AGPS: variants seen among roughly 807,000 people sequenced by gnomAD.
AGPS encodes alkylglycerone phosphate synthase.
A neutral mutation model predicts 90.7 loss-of-function variants in AGPS; 26 were observed. The ratio of observed to expected loss-of-function variants is 0.29; its 90% confidence interval spans 0.21 to 0.40. AGPS has a LOEUF of 0.40. Among genes scored for constraint, AGPS ranks in the 10% least tolerant of loss-of-function variants. AGPS has a pLI of 1.00. For synonymous variants in AGPS, 294 were observed against 285.3 expected (o/e 1.03, Z -0.31); for missense variants, 540 against 816.1 (o/e 0.66, Z 4.12).
intron 1 of AGPS, among the ~76,000 whole-genome samples, chr2:177,412,040 C>A (rs73979739): frequency 0.042 from 6,445 of 152,094 alleles, 459 homozygotes; most frequent in African/African-American, 0.15. Context: ...GGGAGGGACA[C>A]GAGGGACAAG....
chr2:177,489,748 G>A (rs1001644644), intron 11 of AGPS, among the ~76,000 whole-genome samples: 3 of 152,164 alleles, frequency 2.0e-5, no homozygotes, highest in Non-Finnish European at 4.4e-5. Context: ...TACATTTATC[G>A]TAGCAGGAAA....
At chr2:177,494,909 GA>G (rs1446837009) in intron 12 of AGPS, among the ~76,000 whole-genome samples, 11 of 152,062 alleles carry the variant, frequency 7.2e-5, no homozygotes, top group African/African-American at 2.7e-4. Context: ...AGCAAAAGAG[GA>G]AATAATGCTT....
rs141551853 is a variant in AGPS at position 177,535,203 on chromosome 2, C to T, written c.1856-2871C>T. ...GAATAGGCTTTATGTGGTATGTGTA[C>T]ACATGCCTTTCAGTAGATAACTATC... On this transcript the variant is annotated intron_variant, in intron 19 of 19. Coordinates refer to ENST00000264167, the MANE Select transcript of AGPS (RefSeq NM_003659.4). 3.0e-3 allele frequency among the ~76,000 whole-genome samples: 455 copies of T among 152,260 alleles called. 4 individuals carry two copies. Among genetic ancestry groups the T allele is most frequent in the African/African-American group, 0.01 (430 of 41,544 alleles).
At chr2:177,446,952 G>A (rs1314928896) in intron 8 of AGPS, among the ~76,000 whole-genome samples, 1 of 152,000 alleles carries the variant, frequency 6.6e-6, no homozygotes, top group Non-Finnish European at 1.5e-5. Flanking sequence ...GAAAACTTTA[G>A]GTTTCTTTCA....
At chr2:177,533,994 G>A (rs536742036) in intron 19 of AGPS, among the ~76,000 whole-genome samples, 2 of 152,262 alleles carry the variant, frequency 1.3e-5, no homozygotes, top group South Asian at 4.1e-4. Context: ...TCTTCTAAAT[G>A]TATGGCCCAT....
intron 1 of AGPS, among the ~76,000 whole-genome samples, chr2:177,409,882 C>T (rs1389494918): frequency 2.0e-5 from 3 of 152,146 alleles, no homozygotes; most frequent in African/African-American, 7.2e-5. Context: ...GCCTGCAGTG[C>T]AGGGGATTAT....
chr2:177,534,259 T>C (rs530192418), intron 19 of AGPS, among the ~76,000 whole-genome samples: 90 of 152,320 alleles, frequency 5.9e-4, no homozygotes, highest in African/African-American at 1.8e-3. Context: ...TTATCTCTTA[T>C]ACCTTGCGTA....
intron 9 of AGPS, among the ~76,000 whole-genome samples, chr2:177,462,398 A>AG (rs1229502567): frequency 9.3e-5 from 14 of 150,380 alleles, no homozygotes; most frequent in Admixed American, 9.3e-4. Flanking sequence ...GTCTCAAAAA[A>AG]AAAAAAAGAA....
chr2:177,518,402 C>G (rs1040724656), intron 17 of AGPS, among the ~76,000 whole-genome samples: 2 of 152,070 alleles, frequency 1.3e-5, no homozygotes, highest in Non-Finnish European at 2.9e-5. Flanking sequence ...TGCCACTACA[C>G]TCCAGCCTGG....
chr2:177,400,002 T>A (rs1685289154), intron 1 of AGPS, among the ~76,000 whole-genome samples: 1 of 152,238 alleles, frequency 6.6e-6, no homozygotes, highest in Admixed American at 6.5e-5. Context: ...CTGTTATTGA[T>A]GAACATTTAG....
chr2:177,463,429 A>G (rs779288640), intron 9 of AGPS, among the ~76,000 whole-genome samples: 21 of 152,196 alleles, frequency 1.4e-4, no homozygotes, highest in Non-Finnish European at 2.6e-4. Flanking sequence ...ATAGTAGTTT[A>G]AAAGAACTTT....
chr2:177,528,260 C>T (rs954036026), intron 19 of AGPS, among the ~76,000 whole-genome samples: 2 of 152,208 alleles, frequency 1.3e-5, no homozygotes, highest in Non-Finnish European at 2.9e-5. Context: ...TTCTTCCACT[C>T]TGCTACTGTA....
intron 16 of AGPS, among the ~76,000 whole-genome samples, 161 bp downstream of exon 16, chr2:177,508,192 G>A (rs923498275): frequency 1.4e-4 from 21 of 152,120 alleles, no homozygotes; most frequent in African/African-American, 3.4e-4. Context: ...TCAGAATGCC[G>A]TATTTTCAAG....
chr2:177,533,309 G>A (rs2079154219), intron 19 of AGPS, among the ~76,000 whole-genome samples: 1 of 152,184 alleles, frequency 6.6e-6, no homozygotes, highest in Non-Finnish European at 1.5e-5. Context: ...TATTTCAGCT[G>A]TAGCATAGGT....
Position 177,467,648 on chromosome 2 carries a change from T to C in AGPS, c.997-768T>C, listed in dbSNP as rs140667259. 4.6e-4 allele frequency among the ~76,000 whole-genome samples: 70 copies of C among 152,338 alleles called. No individual in the cohort carries two copies. The East Asian group carries it at 9.1e-3, about 20-fold the overall frequency. On this transcript the variant is annotated intron_variant, in intron 9 of 19. Transcript: ENST00000264167. Reference sequence around the variant, plus strand: ...AATGTAAACTTTTAAGGGGTCCTCATTGGCAATTTTTATTTTGTATTTTGT... The same window carrying C: ...AATGTAAACTTTTAAGGGGTCCTCACTGGCAATTTTTATTTTGTATTTTGT...
At chr2:177,489,059 A>G (rs946064325) in intron 11 of AGPS, among the ~76,000 whole-genome samples, 10 of 149,764 alleles carry the variant, frequency 6.7e-5, no homozygotes, top group African/African-American at 2.5e-4. Context: ...TTTTAGAAAA[A>G]CCAGTTTTGC....
At chr2:177,419,683 A>G (rs1685889042) in intron 1 of AGPS, among the ~76,000 whole-genome samples, 1 of 151,894 alleles carries the variant, frequency 6.6e-6, no homozygotes, top group Admixed American at 6.6e-5. Context: ...GAAATATTGA[A>G]AGTGAGTATG....
At chr2:177,470,517 A>T (rs1465614741) in intron 10 of AGPS, among the ~76,000 whole-genome samples, 2 of 151,986 alleles carry the variant, frequency 1.3e-5, no homozygotes, top group East Asian at 3.9e-4. Context: ...CAGCCTGACC[A>T]ACATGTTGAA....
intron 2 of AGPS, among the ~76,000 whole-genome samples, chr2:177,428,622 T>C (rs893979539): frequency 1.3e-5 from 2 of 152,228 alleles, no homozygotes; most frequent in Admixed American, 1.3e-4. Context: ...AATTCTTTTC[T>C]TTAAGAATGT....
Sources: allele counts gnomAD v4.1 joint callset (sites outside exome capture counted in the v4.1 genomes callset), GRCh38; gene constraint gnomAD v4.1.1; transcripts MANE v1.5; gene names NCBI Gene and HGNC (gene_info 2026-07-23, HGNC 2026-07-21).